TTC27: variants seen among roughly 807,000 people sequenced by gnomAD.
TTC27 encodes tetratricopeptide repeat protein 27.
In TTC27, 79 loss-of-function variants were observed where a neutral mutation model predicts 115.9. That is an observed-to-expected ratio of 0.68 (90% confidence interval 0.57 to 0.82). The LOEUF is 0.82. Among genes scored for constraint, TTC27 ranks in the 40% least tolerant of loss-of-function variants. The pLI is 0.00. For missense variants in TTC27, 1,054 were observed against 993.1 expected, an observed-to-expected ratio of 1.06 and a Z score of -0.82; for synonymous variants, 401 against 356.0, an observed-to-expected ratio of 1.13 and a Z score of -1.42.
intron 12 of TTC27, among the ~76,000 whole-genome samples, chr2:32,737,518 AC>A (rs1274508923): frequency 5.9e-5 from 9 of 152,278 alleles, no homozygotes; most frequent in African/African-American, 2.2e-4. Context: ...CCTACAGTCA[AC>A]CTTTTGCCAT....
At chr2:32,773,468 T>C (rs1669895918) in intron 13 of TTC27, among the ~76,000 whole-genome samples, 1 of 152,228 alleles carries the variant, frequency 6.6e-6, no homozygotes, top group Admixed American at 6.5e-5. Context: ...TGTTTCCCCC[T>C]CTCTCTTTAT....
At chr2:32,817,432 GT>G in intron 18 of TTC27, 24 bp from the exon 19 acceptor site, 1 of 1,581,692 alleles carries the variant, frequency 6.3e-7, no homozygotes, top group South Asian at 1.1e-5. Context: ...TTTAATGGAT[GT>G]TTCTCTCCAT....
At chr2:32,765,601 C>T (rs1268787824) in intron 13 of TTC27, among the ~76,000 whole-genome samples, 1 of 152,192 alleles carries the variant, frequency 6.6e-6, no homozygotes, top group Non-Finnish European at 1.5e-5. Context: ...CCTTTGAAGT[C>T]AGGCATTGAC....
rs77795521 is a variant in TTC27, at chr2:32,820,800, G to GTT, written c.2410-11_2410-10dup. The stretch of plus-strand genomic sequence containing the variant: ...TGTGTTGTTTTAATACTTCTGCTTT[G>GTT]TTTTTTATATTACAGCAACTTTTTA... On this transcript the variant is annotated splice_polypyrimidine_tract_variant and intron_variant, in intron 19 of 19. Coordinates refer to ENST00000317907, the MANE Select transcript of TTC27 (RefSeq NM_017735.5). The GTT allele has an allele frequency of 6.6e-7, 1 of 1,522,794 alleles. No homozygotes were observed. The highest frequency in any genetic ancestry group is 1.3e-5 in the South Asian group (1 of 78,364). The allele number at this position is 1,522,794 out of a possible 1,614,324, so 94.3% of individuals were successfully genotyped here.
chr2:32,790,511 A>G (rs112917096), intron 16 of TTC27, among the ~76,000 whole-genome samples: 2 of 152,092 alleles, frequency 1.3e-5, no homozygotes, highest in South Asian at 4.1e-4. Flanking sequence ...TGTGTATACA[A>G]TGTGGAATGA....
At chr2:32,703,803 G>A (rs143336690) in intron 10 of TTC27, among the ~76,000 whole-genome samples, 285 of 152,288 alleles carry the variant, frequency 1.9e-3, no homozygotes, top group African/African-American at 6.4e-3. Context: ...ATTTCGTAAC[G>A]TCAATGTCTT....
chr2:32,731,551 G>C (rs964036617), intron 10 of TTC27, among the ~76,000 whole-genome samples: 1 of 151,996 alleles, frequency 6.6e-6, no homozygotes, highest in Non-Finnish European at 1.5e-5. Flanking sequence ...ATTTTTTAAC[G>C]ATTTTTTTGT....
At chr2:32,800,458 G>A (rs1190068872) in intron 16 of TTC27, among the ~76,000 whole-genome samples, 3 of 151,856 alleles carry the variant, frequency 2.0e-5, no homozygotes, top group Non-Finnish European at 4.4e-5. Context: ...TGGGATTACA[G>A]GCGTGAGCCA....
At chr2:32,631,479 T>G (rs1572455437) in intron 2 of TTC27, among the ~76,000 whole-genome samples, 1 of 152,200 alleles carries the variant, frequency 6.6e-6, no homozygotes, top group African/African-American at 2.4e-5. Flanking sequence ...TTGTGTAATT[T>G]TATAGGGTTA....
chr2:32,806,742 C>A (rs920315394), intron 16 of TTC27, among the ~76,000 whole-genome samples: 1 of 151,892 alleles, frequency 6.6e-6, no homozygotes, highest in Non-Finnish European at 1.5e-5. Flanking sequence ...GATCGCGCCA[C>A]TGCACTCCAG....
chr2:32,733,103 G>A lies in TTC27; in HGVS notation c.1234-725G>A, dbSNP rs1388294546. The stretch of plus-strand genomic sequence containing the variant: ...CTGAATACATGAGCTCTTCTATGAC[G>A]AATCATTTGACCACTGGATAGCTCC... On this transcript the variant is annotated intron_variant, in intron 10 of 19. Transcript: ENST00000317907. 3.9e-5 allele frequency among the ~76,000 whole-genome samples: 6 copies of A among 152,288 alleles called. No homozygotes were observed. In the East Asian group the frequency reaches 9.6e-4, roughly 24 times the overall value.
chr2:32,787,606 A>G (rs1033189617), intron 16 of TTC27, among the ~76,000 whole-genome samples: 1 of 152,174 alleles, frequency 6.6e-6, no homozygotes, highest in East Asian at 1.9e-4. Flanking sequence ...GTTTCATGAG[A>G]TGGTGCTGTG....
At chr2:32,724,663 C>T (rs754259473) in intron 10 of TTC27, among the ~76,000 whole-genome samples, 1 of 152,154 alleles carries the variant, frequency 6.6e-6, no homozygotes, top group Non-Finnish European at 1.5e-5. Flanking sequence ...CAGGAAGAAA[C>T]TTTTTCCCAT....
At chr2:32,703,472 A>G (rs1432221314) in intron 10 of TTC27, among the ~76,000 whole-genome samples, 1 of 152,096 alleles carries the variant, frequency 6.6e-6, no homozygotes, top group Non-Finnish European at 1.5e-5. Context: ...CATCTCAAAT[A>G]ATAATAATAA....
At chr2:32,722,867 A>C (rs931739499) in intron 10 of TTC27, among the ~76,000 whole-genome samples, 4 of 152,140 alleles carry the variant, frequency 2.6e-5, no homozygotes, top group African/African-American at 9.7e-5. Context: ...AGAACATGCA[A>C]ATGGATGAAT....
chr2:32,682,633 T>A (rs1666469349), intron 9 of TTC27, among the ~76,000 whole-genome samples: 1 of 151,686 alleles, frequency 6.6e-6, no homozygotes, highest in African/African-American at 2.4e-5. Flanking sequence ...CAAGATGTCT[T>A]CCTCTGTTGA....
chr2:32,744,659 C>G (rs1222454463), intron 12 of TTC27, among the ~76,000 whole-genome samples: 2 of 152,086 alleles, frequency 1.3e-5, no homozygotes, highest in Non-Finnish European at 2.9e-5. Flanking sequence ...GGTAGGTAAG[C>G]CAAAAATGAA....
At chr2:32,650,587 T>C (rs1665080482) in intron 5 of TTC27, among the ~76,000 whole-genome samples, 1 of 152,016 alleles carries the variant, frequency 6.6e-6, no homozygotes, top group Non-Finnish European at 1.5e-5. Flanking sequence ...GTACTCTCCT[T>C]AGTTCTTTTT....
At chr2:32,712,366 G>C (rs990598539) in intron 10 of TTC27, among the ~76,000 whole-genome samples, 3 of 152,130 alleles carry the variant, frequency 2.0e-5, no homozygotes, top group Admixed American at 6.5e-5. Context: ...GGTGATGTTA[G>C]TGACAATGAA....
Sources: gnomAD v4.1 joint callset for allele counts (sites outside exome capture counted in the v4.1 genomes callset) on GRCh38, gnomAD v4.1.1 for gene constraint, MANE v1.5 for transcripts, NCBI Gene and HGNC (gene_info 2026-07-23, HGNC 2026-07-21) for gene names.